Variants in SHOC2 observed in about 807,000 individuals in gnomAD.
SHOC2 encodes the protein SHOC2 leucine rich repeat scaffold protein, also known as leucine-rich repeat protein SHOC-2.
SHOC2 carries 4 observed loss-of-function variants against 50.2 expected under a neutral mutation model. The ratio of observed to expected loss-of-function variants is 0.08; its 90% CI spans 0.04 to 0.18. SHOC2 has a LOEUF of 0.18. SHOC2 is among the 10% of genes least tolerant of loss of function. The pLI, the probability that SHOC2 is intolerant of heterozygous loss-of-function variation, is 1.00. For synonymous variants in SHOC2, 218 were observed against 244.5 expected, an observed-to-expected ratio of 0.89 and a Z score of 1.01; for missense variants, 388 against 669.6, an observed-to-expected ratio of 0.58 and a Z score of 4.64.
chr10:110,972,679 T>C (rs7089615), intron 2 of SHOC2, among the ~76,000 whole-genome samples: 121,295 of 151,960 alleles, frequency 0.8, 48,764 homozygotes, highest in East Asian at 0.95. Context: ...ACCCCGTCTC[T>C]ACAAAAAATT....
intron 3 of SHOC2, among the ~76,000 whole-genome samples, chr10:110,995,643 G>T (rs1186120666): frequency 6.6e-6 from 1 of 152,186 alleles, no homozygotes; most frequent in African/African-American, 2.4e-5. Flanking sequence ...AGTCCCTGCT[G>T]ATTACCCTCA....
intron 2 of SHOC2, among the ~76,000 whole-genome samples, chr10:110,967,757 CATA>C (rs1398731731): frequency 6.6e-6 from 1 of 152,122 alleles, no homozygotes; most frequent in East Asian, 1.9e-4. Context: ...TTTTAATTTG[CATA>C]ATATTTTCAA....
chr10:110,932,304 GA>G (rs956081769), intron 1 of SHOC2, among the ~76,000 whole-genome samples: 10 of 152,206 alleles, frequency 6.6e-5, no homozygotes, highest in African/African-American at 2.4e-4. Flanking sequence ...TAATCCTGAG[GA>G]CTCCCCTCAG....
At chr10:110,954,457 CTCAAG>C (rs1235029022) in intron 1 of SHOC2, among the ~76,000 whole-genome samples, 1 of 152,034 alleles carries the variant, frequency 6.6e-6, no homozygotes, top group African/African-American at 2.4e-5. Flanking sequence ...GCAGCAGATT[CTCAAG>C]TCACTTTGAA....
chr10:110,969,129 T>C lies in SHOC2; in HGVS notation c.703+4068T>C, dbSNP rs1191072424. Among the ~76,000 whole-genome samples the C allele has an allele frequency of 2.0e-5, 3 of 152,214 alleles. No homozygotes were observed. In the East Asian group the frequency reaches 5.8e-4, roughly 29 times the overall value. ...ATTTAGTAATGTTCATTTACTTTTC[T>C]CCTTTTGTATGTTAAGGCATAGACA... On this transcript the variant is annotated intron_variant, in intron 2 of 8. Transcript: ENST00000369452.
intron 5 of SHOC2, among the ~76,000 whole-genome samples, chr10:111,006,755 A>C (rs922912438): frequency 1.3e-5 from 2 of 152,200 alleles, no homozygotes; most frequent in African/African-American, 4.8e-5. Flanking sequence ...ATACTGACAT[A>C]CATTGTTGGT....
intron 2 of SHOC2, among the ~76,000 whole-genome samples, chr10:110,966,420 A>G (rs2134123810): frequency 6.6e-6 from 1 of 152,234 alleles, no homozygotes; most frequent in African/African-American, 2.4e-5. Flanking sequence ...CCTGCATGTT[A>G]TGGCTCATTG....
At chr10:110,935,750 T>C (rs1046206947) in intron 1 of SHOC2, among the ~76,000 whole-genome samples, 12 of 152,214 alleles carry the variant, frequency 7.9e-5, no homozygotes, top group African/African-American at 1.9e-4. Context: ...ATGTTAACAA[T>C]TGAAATATAC....
intron 7 of SHOC2, 58 bp downstream of exon 7, chr10:111,009,443 C>T (rs1044949770): frequency 5.0e-6 from 7 of 1,387,564 alleles, no homozygotes; most frequent in Non-Finnish European, 7.2e-6. Context: ...TTCCAAATTC[C>T]ACATTTCTCT....
At chr10:110,983,667 A>C (rs1001191682) in intron 2 of SHOC2, among the ~76,000 whole-genome samples, 5 of 152,190 alleles carry the variant, frequency 3.3e-5, no homozygotes, top group African/African-American at 9.7e-5. Context: ...CTGAACAATA[A>C]GTCCTCATTC....
chr10:111,004,877 G>A, intron 5 of SHOC2, 83 bp downstream of exon 5: 1 of 964,594 alleles, frequency 1.0e-6, no homozygotes, highest in Non-Finnish European at 1.6e-6. Flanking sequence ...TAATTGTGTG[G>A]GGAGTGGGTA....
chr10:110,987,592 T>A (rs1848103593), intron 3 of SHOC2, among the ~76,000 whole-genome samples: 1 of 152,216 alleles, frequency 6.6e-6, no homozygotes, highest in Admixed American at 6.5e-5. Flanking sequence ...ATAAATATTC[T>A]ACTAAATGTC....
intron 1 of SHOC2, among the ~76,000 whole-genome samples, chr10:110,930,459 G>A (rs1846870457): frequency 1.3e-5 from 2 of 152,100 alleles, no homozygotes; most frequent in Admixed American, 1.3e-4. Context: ...CAAAAAAGTA[G>A]TAGTTAAATT....
At chr10:111,005,347 AT>A (rs1247164388) in intron 5 of SHOC2, among the ~76,000 whole-genome samples, 8 of 152,184 alleles carry the variant, frequency 5.3e-5, no homozygotes, top group Non-Finnish European at 8.8e-5. Context: ...AGAGCTATCT[AT>A]TTCATAGGTA....
At chr10:110,926,623 T>G (rs549194428) in intron 1 of SHOC2, among the ~76,000 whole-genome samples, 1 of 152,206 alleles carries the variant, frequency 6.6e-6, no homozygotes, top group African/African-American at 2.4e-5. Context: ...CTTAATGTTA[T>G]GACAAACATG....
Position 110,964,503 on chromosome 10 carries a change from G to A in SHOC2, c.145G>A (p.Asp49Asn), listed in dbSNP as rs746093487. The part of the protein sequence containing the change: ...KEKEPKTKGK[D>N]AKDGKKDSSA... ...AAAAGAACCTAAGACCAAAGGGAAA[G>A]ATGCCAAAGATGGAAAGAAGGACTC... Residue 49 changes from aspartate (D) to asparagine (N), a missense_variant, in exon 2 of 9, where the codon GAT becomes AAT. By Grantham distance (23) the Asp-to-Asn change is conservative. This residue lies in a region of SHOC2 where 121 missense variants were observed against 145.5 expected (regional missense o/e 0.83). Coordinates refer to ENST00000369452, the MANE Select transcript of SHOC2 (RefSeq NM_007373.4). This position sits in a 1 kb window ranked among gnomAD's most constrained non-coding sequence, Gnocchi z 4.9. The A allele has an allele frequency of 1.2e-6, 2 of 1,614,036 alleles. No homozygotes were observed. Among genetic ancestry groups the A allele is most frequent in the South Asian group, 1.1e-5 (1 of 91,076 alleles).
At chr10:110,986,081 T>C (rs1283984278) in intron 3 of SHOC2, among the ~76,000 whole-genome samples, 1 of 152,190 alleles carries the variant, frequency 6.6e-6, no homozygotes, top group East Asian at 1.9e-4. Context: ...TTGCATGTTA[T>C]TATACTGGGT....
chr10:110,960,756 A>G (rs1189727012), intron 1 of SHOC2, among the ~76,000 whole-genome samples: 5 of 152,162 alleles, frequency 3.3e-5, no homozygotes, highest in Admixed American at 2.0e-4. Flanking sequence ...GCTCACTGCA[A>G]CCACTGCCTC....
intron 2 of SHOC2, among the ~76,000 whole-genome samples, chr10:110,982,340 G>T (rs980903065): frequency 2.0e-5 from 3 of 151,482 alleles, no homozygotes; most frequent in African/African-American, 7.3e-5. Context: ...CTTTATAGCA[G>T]CATGATTTAT....
Sources: allele counts gnomAD v4.1 joint callset (sites outside exome capture counted in the v4.1 genomes callset), GRCh38; gene constraint gnomAD v4.1.1; regional missense constraint gnomAD v4.1.1; non-coding constraint Gnocchi (gnomAD v3.1); transcripts MANE v1.5; gene names NCBI Gene and HGNC (gene_info 2026-07-23, HGNC 2026-07-21).